The following LRPPRC variants were observed in gnomAD, a reference collection of about 807,000 sequenced individuals.
LRPPRC encodes the protein leucine rich pentatricopeptide repeat containing.
LRPPRC carries 120 observed loss-of-function variants against 180.3 expected under a neutral mutation model. That is an observed-to-expected ratio of 0.67 (90% CI 0.57 to 0.77). The LOEUF is 0.77. Ranked by LOEUF, LRPPRC falls within the 30% of genes least tolerant of loss-of-function variation. LRPPRC has a pLI of 0.00. For synonymous variants in LRPPRC, 723 were observed against 600.0 expected (o/e 1.21, Z -3.00); for missense variants, 2,012 against 1,657.2 (o/e 1.21, Z -3.72).
chr2:43,964,457 T>C (rs1375188940), intron 11 of LRPPRC, among the ~76,000 whole-genome samples: 3 of 152,142 alleles, frequency 2.0e-5, no homozygotes, highest in Non-Finnish European at 4.4e-5. Context: ...TATTTCTCCT[T>C]CTAAAAACTT....
chr2:43,916,212 G>A (rs1003833106), intron 29 of LRPPRC, among the ~76,000 whole-genome samples: 1 of 152,020 alleles, frequency 6.6e-6, no homozygotes, highest in African/African-American at 2.4e-5. Context: ...AACCATCCTT[G>A]AAATCCACCC....
chr2:43,889,730 T>G lies in LRPPRC; in HGVS notation c.4128+4A>C, dbSNP rs1283511974. On this transcript the variant is annotated splice_donor_region_variant and intron_variant, in intron 37 of 37. Coordinates refer to ENST00000260665, the MANE Select transcript of LRPPRC (RefSeq NM_133259.4). Reference sequence around the variant, plus strand: ...TTTTTTCCCCTTAATTAAGAAATACTCACAGGGGGTTCAATGAAAGGGACA... The same window carrying G: ...TTTTTTCCCCTTAATTAAGAAATACGCACAGGGGGTTCAATGAAAGGGACA... The G allele has an allele frequency of 1.2e-6, 2 of 1,609,506 alleles. No homozygotes were observed. The highest frequency in any genetic ancestry group is 1.3e-5 in the African/African-American group (1 of 74,828).
At chr2:43,960,314 G>A (rs1172810618) in intron 13 of LRPPRC, among the ~76,000 whole-genome samples, 2 of 152,056 alleles carry the variant, frequency 1.3e-5, no homozygotes, top group East Asian at 3.9e-4. Flanking sequence ...GGGTCTCCAG[G>A]TCCAGCCTTC....
rs863224061 is a variant in LRPPRC, at chr2:43,995,832, TAGG to T, written c.113_115del (p.Ser38del). The T allele has an allele frequency of 2.1e-6, 3 of 1,439,824 alleles. No individual in the cohort carries two copies. Among genetic ancestry groups the T allele is most frequent in the East Asian group, 2.9e-5 (1 of 34,814 alleles). The allele number at this position is 1,439,824 out of a possible 1,614,324, so 89.2% of individuals were successfully genotyped here. A position where few individuals can be genotyped will look rare whatever the true frequency, so the allele number is the denominator to read the frequency against. The stretch of plus-strand genomic sequence containing the variant: ...GGGCCCGGCGCGAGCGGCGGGCAGA[TAGG>T]AGGCGGCATGCAGCCGGCCCGGGCC... On this transcript the variant is annotated inframe_deletion, in exon 1 of 38. Transcript: ENST00000260665.
intron 31 of LRPPRC, chr2:43,904,742 C>G (rs1325379783): frequency 7.1e-6 from 1 of 140,346 alleles, no homozygotes; most frequent in African/African-American, 2.7e-5. Flanking sequence ...AAACCCAAAA[C>G]AAAACCAGAA....
At chr2:43,900,170 A>G (rs1670834510) in intron 32 of LRPPRC, among the ~76,000 whole-genome samples, 1 of 152,152 alleles carries the variant, frequency 6.6e-6, no homozygotes, top group South Asian at 2.1e-4. Flanking sequence ...GAAAATACTC[A>G]GTTTATACTA....
intron 23 of LRPPRC, among the ~76,000 whole-genome samples, chr2:43,939,307 A>AAAT (rs1558974782): frequency 6.8e-6 from 1 of 146,620 alleles, no homozygotes; most frequent in Non-Finnish European, 1.5e-5. Flanking sequence ...ATAAAAATAA[A>AAAT]AACAACAACA....
rs2105042542 is a variant in LRPPRC, at chr2:43,925,920, A to G, written c.2778T>C (p.Phe926=). The change falls in exon 26 of 38, where the codon TTT becomes TTC. Residue 926 remains phenylalanine, a synonymous_variant. Transcript: ENST00000260665. ...IRARSARLQW[F]CDRCVANNQV... is the part of the protein sequence containing the mutation. ...GATTATTTGCAACACATCTGTCACA[A>G]AACCACTGAAGCCTTGCAGATCGAG... 3.7e-6 allele frequency: 6 copies of G among 1,613,048 alleles called. No homozygotes were observed. Among genetic ancestry groups the G allele is most frequent in the Non-Finnish European group, 3.4e-6 (4 of 1,179,000 alleles).
chr2:43,965,882 G>C (rs909356541), intron 11 of LRPPRC, among the ~76,000 whole-genome samples: 1 of 152,190 alleles, frequency 6.6e-6, no homozygotes, highest in Non-Finnish European at 1.5e-5. Flanking sequence ...GGTGAGGATG[G>C]AGAGAAAGGG....
At chr2:43,935,521 A>G (rs966377009) in intron 23 of LRPPRC, among the ~76,000 whole-genome samples, 4 of 152,210 alleles carry the variant, frequency 2.6e-5, no homozygotes, top group Admixed American at 6.5e-5. Flanking sequence ...TTTTCATTAA[A>G]GGGTAAGCTT....
In LRPPRC at chr2:43,940,538, T is replaced by C. The variant is rs367658237; in HGVS notation, c.2504+3149A>G. Among the ~76,000 whole-genome samples, 14 of 152,166 alleles carry C rather than the reference T, an allele frequency of 9.2e-5. No individual in the cohort carries two copies. In the East Asian group the frequency reaches 9.6e-4, roughly 10 times the overall value. ...CACTTAAATGAAATGCATATGTACA[T>C]ATACAGATTATAACACAAACCAGCA... On this transcript the variant is annotated intron_variant, in intron 23 of 37. Transcript: ENST00000260665.
At chr2:43,949,540 C>T in intron 16 of LRPPRC, 62 bp downstream of exon 16, 1 of 1,188,586 alleles carries the variant, frequency 8.4e-7, no homozygotes, top group Non-Finnish European at 1.3e-6. Flanking sequence ...TCCTCCTAAC[C>T]CATCATTACA....
chr2:43,993,818 C>T (rs1352941032), intron 1 of LRPPRC, among the ~76,000 whole-genome samples: 2 of 151,354 alleles, frequency 1.3e-5, no homozygotes, highest in Admixed American at 1.3e-4. Context: ...GTGGGACCGG[C>T]ATGTTTTGGA....
chr2:43,941,136 T>C (rs1289748361), intron 23 of LRPPRC, among the ~76,000 whole-genome samples: 1 of 152,176 alleles, frequency 6.6e-6, no homozygotes, highest in African/African-American at 2.4e-5. Context: ...AAACAGTGTA[T>C]TTTTTCTATA....
chr2:43,955,588 A>T (rs1230261651), intron 14 of LRPPRC, among the ~76,000 whole-genome samples: 5 of 152,132 alleles, frequency 3.3e-5, no homozygotes, highest in African/African-American at 1.2e-4. Context: ...AAAATTTTAA[A>T]AATCAGCCAG....
At chr2:43,935,570 T>C (rs1391079499) in intron 23 of LRPPRC, among the ~76,000 whole-genome samples, 2 of 152,216 alleles carry the variant, frequency 1.3e-5, no homozygotes, top group Admixed American at 6.5e-5. Flanking sequence ...AGCCTTCTTT[T>C]ATGTGAGAAA....
intron 27 of LRPPRC, among the ~76,000 whole-genome samples, chr2:43,922,900 C>T (rs1397871271): frequency 6.6e-6 from 1 of 152,128 alleles, no homozygotes; most frequent in African/African-American, 2.4e-5. Flanking sequence ...CCATTTATAA[C>T]ACGGCAGAAG....
At chr2:43,896,927 A>C (rs1193367393) in intron 34 of LRPPRC, among the ~76,000 whole-genome samples, 1 of 152,208 alleles carries the variant, frequency 6.6e-6, no homozygotes, top group Non-Finnish European at 1.5e-5. Context: ...TGCAAGTATA[A>C]AGTTTGTTTA....
intron 11 of LRPPRC, among the ~76,000 whole-genome samples, chr2:43,967,814 C>T (rs1409991793): frequency 1.3e-5 from 2 of 152,128 alleles, no homozygotes; most frequent in African/African-American, 4.8e-5. Context: ...TACTTGTAAG[C>T]GAAATTTAAA....
Sources: gnomAD v4.1 joint callset for allele counts (sites outside exome capture counted in the v4.1 genomes callset) on GRCh38, gnomAD v4.1.1 for gene constraint, MANE v1.5 for transcripts, NCBI Gene and HGNC (gene_info 2026-07-23, HGNC 2026-07-21) for gene names.